Variants in ANKRD40CL observed in about 807,000 individuals in gnomAD.
ANKRD40CL encodes putative ANKRD40 C-terminal-like protein.
For synonymous variants in ANKRD40CL, 5 were observed against 2.3 expected (o/e 2.14, Z -1.04); for missense variants, 11 against 6.4 (o/e 1.71, Z -0.77).
chr17:50,767,196 T>A (rs547048285), intron 1 of ANKRD40CL, 185 bp from the exon 2 acceptor site: 1 of 620,086 alleles, frequency 1.6e-6, no homozygotes, highest in South Asian at 1.5e-5. Flanking sequence ...TGGAAGACGG[T>A]GCAGGCCGGT....
At chr17:50,762,419 A>T (rs554221906) in intron 3 of ANKRD40CL, among the ~76,000 whole-genome samples, 1 of 152,162 alleles carries the variant, frequency 6.6e-6, no homozygotes, top group Admixed American at 6.5e-5. Context: ...CATTTCAAAA[A>T]AAAGAAATTA....
At chr17:50,761,563 C>A (rs1394637081) in intron 3 of ANKRD40CL, 57 bp from the exon 4 acceptor site, 1 of 394,992 alleles carries the variant, frequency 2.5e-6, no homozygotes, top group Non-Finnish European at 4.5e-6. Context: ...AATAGAAAAC[C>A]TTAATATTAA....
intron 2 of ANKRD40CL, among the ~76,000 whole-genome samples, chr17:50,766,008 G>A (rs1971305375): frequency 6.6e-6 from 1 of 152,138 alleles, no homozygotes; most frequent in Admixed American, 6.6e-5. Context: ...GGGCCTTTCT[G>A]AATGCAAGGC....
intron 2 of ANKRD40CL, chr17:50,766,583 C>T (rs1971320927): frequency 2.6e-6 from 1 of 386,720 alleles, no homozygotes; most frequent in African/African-American, 2.1e-5. Flanking sequence ...AACAATCCTA[C>T]CTCACCAGAT....
chr17:50,765,704 C>G (rs983922649), intron 2 of ANKRD40CL, among the ~76,000 whole-genome samples: 1 of 152,192 alleles, frequency 6.6e-6, no homozygotes, highest in African/African-American at 2.4e-5. Context: ...TTGAACGCAC[C>G]AACTAGCTGG....
chr17:50,764,278 C>A, intron 2 of ANKRD40CL: 1 of 398,602 alleles, frequency 2.5e-6, no homozygotes, highest in Admixed American at 4.4e-5. Flanking sequence ...TGAGAAGGAG[C>A]AGTACCTGAC....
chr17:50,765,474 A>AT (rs1389092176), intron 2 of ANKRD40CL, among the ~76,000 whole-genome samples: 1 of 152,218 alleles, frequency 6.6e-6, no homozygotes, highest in Non-Finnish European at 1.5e-5. Context: ...GGGTATGCAC[A>AT]TTATTATTTT....
chr17:50,765,876 C>T (rs1392721837), intron 2 of ANKRD40CL, among the ~76,000 whole-genome samples: 1 of 152,210 alleles, frequency 6.6e-6, no homozygotes, highest in East Asian at 1.9e-4. Flanking sequence ...AGCTGAGGCT[C>T]CAACTCCCAA....
In ANKRD40CL at chr17:50,761,217, A is replaced by ATT. The variant is rs1028345412; in HGVS notation, c.*144_*145dup. ...GCCACCACACCTAGCTAATTTTTGT[A>ATT]TTTTTTTTAGTAGAGACTGGGTTTC... On this transcript the variant is annotated 3_prime_UTR_variant, in exon 4 of 4. Transcript: ENST00000450727. 6 of 367,656 alleles carry ATT rather than the reference A, an allele frequency of 1.6e-5. No individual in the cohort carries two copies. Among genetic ancestry groups the ATT allele is most frequent in the Non-Finnish European group, 2.4e-5 (5 of 207,592 alleles). 22.8% of individuals were successfully genotyped at this position (367,656 alleles called of 1,614,324 possible). A position where few individuals can be genotyped will look rare whatever the true frequency, so the allele number is the denominator to read the frequency against.
At position 50,763,525 on chromosome 17, in the gene ANKRD40CL, T is replaced by G. The variant is rs1416370935; in HGVS notation, c.73A>C (p.Ile25Leu). The change falls in exon 3 of 4, where the codon ATT becomes CTT. Residue 25 changes from isoleucine to leucine, a missense_variant. By Grantham distance (5) the Ile-to-Leu change is conservative. Transcript: ENST00000450727. ...TCTTGTCTCTTCAGTTCAATTTCAA[T>G]GAAGTCATTTTCTTTGGGGTTCTGA... is the stretch of plus-strand genomic sequence containing the variant. Reference protein sequence around the residue: ...RIQNPKENDFIEIELKRQELS... With the variant: ...RIQNPKENDFLEIELKRQELS... 2.5e-6 allele frequency: 1 copy of G among 398,970 alleles called. No homozygotes were observed. Among genetic ancestry groups the G allele is most frequent in the African/African-American group, 2.1e-5 (1 of 48,646 alleles). The allele number at this position is 398,970 out of a possible 1,614,324, so 24.7% of individuals were successfully genotyped here. A position where few individuals can be genotyped will look rare whatever the true frequency, so the allele number is the denominator to read the frequency against.
In ANKRD40CL at chr17:50,761,122, C is replaced by T. The variant is rs1307034936; in HGVS notation, c.*241G>A. ...TGGCGCAATCTCAGCTCACTGCAACCTCTGCCTCCTGGGTTCAGGTGATTC... is the reference window on the plus strand; with the variant it reads ...TGGCGCAATCTCAGCTCACTGCAACTTCTGCCTCCTGGGTTCAGGTGATTC... On this transcript the variant is annotated 3_prime_UTR_variant, in exon 4 of 4. Transcript: ENST00000450727. 4.4e-6 allele frequency: 1 copy of T among 227,972 alleles called. No individual in the cohort carries two copies. Among genetic ancestry groups the T allele is most frequent in the Non-Finnish European group, 8.4e-6 (1 of 119,102 alleles). The allele number at this position is 227,972 out of a possible 1,614,324, so 14.1% of individuals were successfully genotyped here.
chr17:50,761,505 TC>T lies in ANKRD40CL; in HGVS notation c.202del (p.Asp68ThrfsTer17), dbSNP rs1971201098. On this transcript the variant is annotated frameshift_variant and splice_region_variant, in exon 4 of 4. Transcript: ENST00000450727. LOFTEE classifies it low-confidence loss of function (END_TRUNC). ...RKLPNTLLRK[D>X]KDIRRLRDFQ... The stretch of plus-strand genomic sequence containing the variant: ...GTCCCGCAGTCTTCGAATGTCTTTG[TC>T]CTTAATGTAGAAAAGAAATTATATT... The T allele has an allele frequency of 3.0e-5, 12 of 398,834 alleles. No homozygotes were observed. The South Asian group carries it at 1.4e-3, about 47-fold the overall frequency. The allele number at this position is 398,834 out of a possible 1,614,324, so 24.7% of individuals were successfully genotyped here.
intron 2 of ANKRD40CL, 52 bp downstream of exon 2, chr17:50,766,822 C>T (rs1971326820): frequency 1.6e-6 from 1 of 614,788 alleles, no homozygotes; most frequent in African/African-American, 2.1e-5. Flanking sequence ...TCCCCAGCCC[C>T]CTGTCCCATC....
chr17:50,763,284 C>T (rs577507650), intron 3 of ANKRD40CL, 113 bp downstream of exon 3: 11 of 398,088 alleles, frequency 2.8e-5, no homozygotes, highest in South Asian at 1.4e-4. Flanking sequence ...CATGTTTGGC[C>T]GTTTTGCAGC....
At chr17:50,765,933 A>G (rs1971303517) in intron 2 of ANKRD40CL, among the ~76,000 whole-genome samples, 1 of 152,194 alleles carries the variant, frequency 6.6e-6, no homozygotes, top group South Asian at 2.1e-4. Context: ...TTACAAAACA[A>G]GTTCAGGGCT....
At chr17:50,766,732 T>G (rs887771833) in intron 2 of ANKRD40CL, 142 bp downstream of exon 2, 1 of 567,526 alleles carries the variant, frequency 1.8e-6, no homozygotes, top group Non-Finnish European at 3.1e-6. Flanking sequence ...GTCTAGTTGC[T>G]CTGCTCTTCA....
intron 2 of ANKRD40CL, 72 bp downstream of exon 2, chr17:50,766,802 G>A (rs1971326188): frequency 5.0e-6 from 3 of 602,996 alleles, no homozygotes; most frequent in South Asian, 3.8e-5. Context: ...CATCACCTGT[G>A]TCCCAGCCTT....
chr17:50,767,164 T>G (rs1971339963), intron 1 of ANKRD40CL, 153 bp from the exon 2 acceptor site: 3 of 654,168 alleles, frequency 4.6e-6, no homozygotes, highest in South Asian at 3.0e-5. Context: ...GGCTCCAGAC[T>G]CTCTTCTCAG....
Position 50,766,897 on chromosome 17 carries a change from T to C in ANKRD40CL, c.17A>G (p.Gln6Arg). 2.9e-6 allele frequency: 2 copies of C among 682,836 alleles called. No homozygotes were observed. The highest frequency in any genetic ancestry group is 5.4e-6 in the Non-Finnish European group (2 of 373,786). 42.3% of individuals were successfully genotyped at this position (682,836 alleles called of 1,614,324 possible). The change falls in exon 2 of 4, where the codon CAG becomes CGG. Residue 6 changes from glutamine to arginine, a missense_variant. Coordinates refer to ENST00000450727, the MANE Select transcript of ANKRD40CL (RefSeq NM_001358683.3). ...ACCTGCTGGCTTCTCCCCGATGTCC[T>C]GTTCCGGTTCAGCCATGAGTCACCT... MAEPEQDIGEKPAVRI... is the reference protein window; with the variant it reads MAEPERDIGEKPAVRI...
Sources: gnomAD v4.1 joint callset for allele counts (sites outside exome capture counted in the v4.1 genomes callset) on GRCh38, gnomAD v4.1.1 for gene constraint, MANE v1.5 for transcripts, NCBI Gene and HGNC (gene_info 2026-07-23, HGNC 2026-07-21) for gene names.